GLIS3: variants seen among roughly 807,000 people sequenced by gnomAD.
The protein encoded by GLIS3 is zinc finger protein GLIS3.
Under a neutral mutation model 78.6 loss-of-function variants are expected in GLIS3, and 53 were observed. The ratio of observed to expected loss-of-function variants is 0.67; its 90% CI spans 0.54 to 0.85. GLIS3 has a LOEUF of 0.85. Ranked by LOEUF, GLIS3 falls within the 40% of genes least tolerant of loss-of-function variation. The probability of loss-of-function intolerance (pLI) is 0.00; values close to 1 mark genes in which losing one functional copy is unlikely to be tolerated. For synonymous variants in GLIS3, 684 were observed against 509.9 expected (o/e 1.34, Z -4.60); for missense variants, 1,703 against 1,231.1 (o/e 1.38, Z -5.74).
intron 2 of GLIS3, among the ~76,000 whole-genome samples, chr9:4,265,163 C>T (rs758615318): frequency 1.3e-4 from 17 of 134,332 alleles, no homozygotes; most frequent in Non-Finnish European, 1.4e-4. Context: ...CAGAGTGAGA[C>T]GCCGTCTCAA....
chr9:4,235,351 G>A (rs571199945), intron 2 of GLIS3, among the ~76,000 whole-genome samples: 104 of 150,724 alleles, frequency 6.9e-4, no homozygotes, highest in African/African-American at 2.4e-3. Flanking sequence ...GTAAAGTTGG[G>A]GAGGGTCTCC....
chr9:4,133,994 T>C (rs995311556), intron 2 of GLIS3, among the ~76,000 whole-genome samples: 2 of 152,170 alleles, frequency 1.3e-5, no homozygotes, highest in Non-Finnish European at 2.9e-5. Context: ...CGAACTAAGG[T>C]GTCAGGGACT....
intron 8 of GLIS3, among the ~76,000 whole-genome samples, chr9:3,870,248 G>A (rs924499631): frequency 6.6e-6 from 1 of 152,046 alleles, no homozygotes; most frequent in Non-Finnish European, 1.5e-5. Context: ...ATCATATCAA[G>A]TATATTCTCA....
At position 3,879,475 on chromosome 9, in the gene GLIS3, G is replaced by A; in HGVS notation, c.2249C>T (p.Pro750Leu). 1 of 1,614,154 alleles carries A rather than the reference G, an allele frequency of 6.2e-7. No individual in the cohort carries two copies. The highest frequency in any genetic ancestry group is 1.1e-5 in the South Asian group (1 of 91,072). Reference sequence around the variant, plus strand: ...TGTGAGTGGAGGTAACTGGGAGGAGGGGTTGTGAGGGCTCCCCTGTACATT... The same window carrying A: ...TGTGAGTGGAGGTAACTGGGAGGAGAGGTTGTGAGGGCTCCCCTGTACATT... ...GHNVQGSPHN[P>L]SSQLPPLTAV... is the part of the protein sequence containing the mutation. Residue 750 changes from proline to leucine, a missense_variant, in exon 8 of 11, where the codon CCC becomes CTC. By Grantham distance (98) the Pro-to-Leu change is moderately conservative. Transcript: ENST00000381971.
rs573697269 is a variant in GLIS3 at position 4,240,411 on chromosome 9, C to G, written c.388+45627G>C. 4.6e-5 allele frequency among the ~76,000 whole-genome samples: 7 copies of G among 152,218 alleles called. No individual in the cohort carries two copies. The South Asian group carries it at 1.5e-3, about 32-fold the overall frequency. On this transcript the variant is annotated intron_variant, in intron 2 of 10. Transcript: ENST00000381971. ...CCACCACTCACCTCCTGCTGTGGGA[C>G]CCAGTTCCTAACAGGCTACGGACCA...
At chr9:4,010,675 C>T (rs76702123) in intron 4 of GLIS3, among the ~76,000 whole-genome samples, 7,445 of 152,256 alleles carry the variant, frequency 0.049, 608 homozygotes, top group African/African-American at 0.17. Flanking sequence ...TGGCTCTTTC[C>T]TTTGATTTCT....
upstream of GLIS3, among the ~76,000 whole-genome samples, chr9:4,353,219 C>T (rs568612024): frequency 6.6e-5 from 10 of 152,218 alleles, no homozygotes; most frequent in Non-Finnish European, 1.5e-4. Flanking sequence ...AGTAAGCAGA[C>T]TTCTGTACCC....
At chr9:3,854,440 C>G (rs1014573068) in intron 9 of GLIS3, among the ~76,000 whole-genome samples, 5 of 152,110 alleles carry the variant, frequency 3.3e-5, no homozygotes, top group African/African-American at 1.2e-4. Flanking sequence ...GAACTTTGAG[C>G]CAGAACCAAT....
At chr9:4,021,542 T>C (rs1353572270) in intron 4 of GLIS3, among the ~76,000 whole-genome samples, 1 of 152,186 alleles carries the variant, frequency 6.6e-6, no homozygotes, top group Admixed American at 6.5e-5. Flanking sequence ...GGGTAAATTC[T>C]CTTTATTTTG....
At chr9:4,393,095 T>A in the GLIS3 span, among the ~76,000 whole-genome samples, 1 of 152,334 alleles carries the variant, frequency 6.6e-6, no homozygotes, top group African/African-American at 2.4e-5. Context: ...CAGTCTTTTT[T>A]ATATTATAAA....
At chr9:4,335,717 C>G (rs778411923) in intron 2 of GLIS3, among the ~76,000 whole-genome samples, 21 of 152,182 alleles carry the variant, frequency 1.4e-4, no homozygotes, top group Non-Finnish European at 2.8e-4. Flanking sequence ...ATTTAGACCT[C>G]TCTTAGAGGC....
chr9:4,274,862 G>A (rs928473073), intron 2 of GLIS3, among the ~76,000 whole-genome samples: 1 of 152,142 alleles, frequency 6.6e-6, no homozygotes, highest in Non-Finnish European at 1.5e-5. Flanking sequence ...ACCAGGTCCT[G>A]GGGGAGGCTA....
At chr9:3,952,213 T>C (rs1588299593) in intron 4 of GLIS3, among the ~76,000 whole-genome samples, 2 of 152,292 alleles carry the variant, frequency 1.3e-5, no homozygotes, top group Non-Finnish European at 1.5e-5. Flanking sequence ...TAAAATCATA[T>C]GGCCAATAAA....
intron 2 of GLIS3, among the ~76,000 whole-genome samples, chr9:4,249,462 T>G (rs1408848161): frequency 6.6e-6 from 1 of 152,208 alleles, no homozygotes; most frequent in East Asian, 1.9e-4. Context: ...TTCTGCACAT[T>G]GATTTTGTAT....
At chr9:3,893,999 C>T (rs1200084503) in intron 7 of GLIS3, among the ~76,000 whole-genome samples, 1 of 152,176 alleles carries the variant, frequency 6.6e-6, no homozygotes, top group Non-Finnish European at 1.5e-5. Flanking sequence ...GGTGGACCAT[C>T]ACAGATGCAA....
chr9:4,195,349 C>G (rs769574968), intron 2 of GLIS3, among the ~76,000 whole-genome samples: 1 of 152,138 alleles, frequency 6.6e-6, no homozygotes, highest in Non-Finnish European at 1.5e-5. Context: ...CAGGCCAGCG[C>G]GAGTTCTGGG....
At chr9:4,283,261 GT>G (rs369306104) in intron 2 of GLIS3, among the ~76,000 whole-genome samples, 1 of 76,384 alleles carries the variant, frequency 1.3e-5, no homozygotes, top group Non-Finnish European at 2.2e-5. Flanking sequence ...CTGTTTTTTT[GT>G]TTTTTTGTTT....
intron 1 of GLIS3, among the ~76,000 whole-genome samples, chr9:4,296,851 A>C (rs1816559575): frequency 6.6e-6 from 1 of 151,142 alleles, no homozygotes; most frequent in Admixed American, 6.6e-5. Flanking sequence ...AAATAAATGA[A>C]AACTGCAGTA....
chr9:4,455,826 G>C, the GLIS3 span, among the ~76,000 whole-genome samples: 5 of 152,118 alleles, frequency 3.3e-5, no homozygotes, highest in African/African-American at 1.2e-4. Flanking sequence ...TAAAAGTTAT[G>C]TTTAGGCCGG....
Sources: allele counts gnomAD v4.1 joint callset (sites outside exome capture counted in the v4.1 genomes callset), GRCh38; gene constraint gnomAD v4.1.1; transcripts MANE v1.5; gene names NCBI Gene and HGNC (gene_info 2026-07-23, HGNC 2026-07-21).